Variants in RAD51 observed in about 807,000 individuals in gnomAD.
RAD51 encodes DNA repair protein RAD51 homolog 1.
In RAD51, 14 loss-of-function variants were observed where a neutral mutation model predicts 41.5. The observed-to-expected ratio is 0.34, with a 90% confidence interval of 0.22 to 0.53. The LOEUF is 0.53. Ranked by LOEUF, RAD51 falls within the 20% of genes least tolerant of loss-of-function variation. The pLI is 0.95. For missense variants in RAD51, 234 were observed against 422.0 expected (o/e 0.55, Z 3.90); for synonymous variants, 136 against 148.6 (o/e 0.92, Z 0.62).
At chr15:40,713,904 CTGG>C (rs1895850003) in intron 5 of RAD51, among the ~76,000 whole-genome samples, 1 of 151,854 alleles carries the variant, frequency 6.6e-6, no homozygotes, top group African/African-American at 2.4e-5. Flanking sequence ...CCGTGCCTGG[CTGG>C]CTGCCATATG....
chr15:40,711,818 T>C (rs962608180), intron 5 of RAD51, among the ~76,000 whole-genome samples: 23 of 152,188 alleles, frequency 1.5e-4, no homozygotes, highest in Admixed American at 1.5e-3. Flanking sequence ...CTCACACCTG[T>C]AATCCCAGCA....
intron 6 of RAD51, among the ~76,000 whole-genome samples, chr15:40,722,127 T>A (rs773578993): frequency 6.6e-6 from 1 of 152,144 alleles, no homozygotes; most frequent in Non-Finnish European, 1.5e-5. Flanking sequence ...GGACAAAAAC[T>A]GAGGCCAGGC....
At chr15:40,707,081 C>T (rs535022908) in intron 4 of RAD51, among the ~76,000 whole-genome samples, 1 of 150,736 alleles carries the variant, frequency 6.6e-6, no homozygotes, top group Non-Finnish European at 1.5e-5. Flanking sequence ...ACCTCTGCTT[C>T]CTGGGCTCAA....
At chr15:40,724,889 A>ATTTTTTTT (rs34086110) in intron 6 of RAD51, among the ~76,000 whole-genome samples, 6 of 55,410 alleles carry the variant, frequency 1.1e-4, no homozygotes, top group African/African-American at 2.5e-4. Context: ...ATTTTTTTTA[A>ATTTTTTTT]TTTTTTTTTT....
At chr15:40,729,656 G>C (rs1418803041) in intron 8 of RAD51, 22 bp downstream of exon 8, 16 of 1,613,122 alleles carry the variant, frequency 9.9e-6, no homozygotes, top group Non-Finnish European at 1.1e-5. Context: ...GATAGGGACA[G>C]AGAATGCCTA....
At chr15:40,726,417 A>T (rs1438456592) in intron 6 of RAD51, among the ~76,000 whole-genome samples, 1 of 151,162 alleles carries the variant, frequency 6.6e-6, no homozygotes, top group East Asian at 2.0e-4. Flanking sequence ...ACACCCATCT[A>T]ATTTTTGTAT....
At chr15:40,698,653 C>A in intron 1 of RAD51, 104 bp from the exon 2 acceptor site, 3 of 1,123,588 alleles carry the variant, frequency 2.7e-6, no homozygotes, top group Non-Finnish European at 4.0e-6. Context: ...ATGGCCTTGG[C>A]TTTTCCTAAA....
At chr15:40,723,537 G>T (rs1053174761) in intron 6 of RAD51, among the ~76,000 whole-genome samples, 1 of 152,120 alleles carries the variant, frequency 6.6e-6, no homozygotes, top group Non-Finnish European at 1.5e-5. Context: ...CATGGATGAG[G>T]TTTCAAATAT....
intron 1 of RAD51, among the ~76,000 whole-genome samples, chr15:40,696,291 C>G (rs1055573462): frequency 6.6e-6 from 1 of 152,120 alleles, no homozygotes; most frequent in Non-Finnish European, 1.5e-5. Flanking sequence ...ACAAAATATA[C>G]TGGCCGGGCG....
intron 3 of RAD51, 114 bp downstream of exon 3, chr15:40,701,315 C>G (rs1894971598): frequency 1.8e-6 from 2 of 1,119,922 alleles, no homozygotes; most frequent in Admixed American, 1.8e-5. Flanking sequence ...ATTATCCTTT[C>G]CAGGGGTGAC....
At chr15:40,711,900 C>T (rs936787505) in intron 5 of RAD51, among the ~76,000 whole-genome samples, 7 of 151,730 alleles carry the variant, frequency 4.6e-5, no homozygotes, top group Admixed American at 2.0e-4. Context: ...CATGGCAAGA[C>T]CCTATCTCTA....
chr15:40,726,061 C>A (rs1896565444), intron 6 of RAD51, among the ~76,000 whole-genome samples: 1 of 152,040 alleles, frequency 6.6e-6, no homozygotes, highest in East Asian at 1.9e-4. Context: ...AAACCATGAC[C>A]ACAATTGCTA....
chr15:40,700,655 G>C (rs1894923882), intron 2 of RAD51, among the ~76,000 whole-genome samples: 1 of 152,192 alleles, frequency 6.6e-6, no homozygotes, highest in Non-Finnish European at 1.5e-5. Context: ...ATAATGAAAA[G>C]GTTGTTAATT....
intron 4 of RAD51, among the ~76,000 whole-genome samples, chr15:40,707,150 ATTTTTT>A (rs751900607): frequency 3.2e-5 from 3 of 93,612 alleles, no homozygotes; most frequent in African/African-American, 1.3e-4. Context: ...CACCTGGCTA[ATTTTTT>A]TTTTTTTTTT....
At chr15:40,709,535 G>C (rs1048343572) in intron 5 of RAD51, among the ~76,000 whole-genome samples, 3 of 151,658 alleles carry the variant, frequency 2.0e-5, no homozygotes, top group Admixed American at 6.6e-5. Flanking sequence ...CAGCATGCCC[G>C]GCTAATTTTT....
Position 40,727,985 on chromosome 15 carries a change from A to C in RAD51, c.531-726A>C, listed in dbSNP as rs563363461. On this transcript the variant is annotated intron_variant, in intron 6 of 9. Coordinates refer to ENST00000267868, the MANE Select transcript of RAD51 (RefSeq NM_002875.5). ...AGCGATTCTTCTGCCTCAGCCTCCC[A>C]AGTAGCTGGGATTACAGGTGCCTGC... Among the ~76,000 whole-genome samples, 3 of 150,064 alleles carry C rather than the reference A, an allele frequency of 2.0e-5. No individual in the cohort carries two copies. In the South Asian group the frequency reaches 6.3e-4, roughly 32 times the overall value.
At chr15:40,728,944 T>A in intron 7 of RAD51, 120 bp downstream of exon 7, 1 of 873,902 alleles carries the variant, frequency 1.1e-6, no homozygotes, top group African/African-American at 1.7e-5. Context: ...TAAGTATAAT[T>A]CCTGTGTTGA....
At chr15:40,697,580 T>C (rs1894723858) in intron 1 of RAD51, among the ~76,000 whole-genome samples, 1 of 140,732 alleles carries the variant, frequency 7.1e-6, no homozygotes, top group East Asian at 2.9e-4. Context: ...ATTTCTTTTT[T>C]TTTTTTTTTT....
rs144344964 is a variant in RAD51, at chr15:40,711,802, T to A, written c.435+2686T>A. On this transcript the variant is annotated intron_variant, in intron 5 of 9. Coordinates refer to ENST00000267868, the MANE Select transcript of RAD51 (RefSeq NM_002875.5). Reference sequence around the variant, plus strand: ...TTAAAAAGATACATCAAACTGGGCATGATAGCTCACACCTGTAATCCCAGC... The same window carrying A: ...TTAAAAAGATACATCAAACTGGGCAAGATAGCTCACACCTGTAATCCCAGC... Among the ~76,000 whole-genome samples, 7 of 152,270 alleles carry A rather than the reference T, an allele frequency of 4.6e-5. No individual in the cohort carries two copies. The East Asian group carries it at 1.3e-3, about 29-fold the overall frequency.
Sources: gnomAD v4.1 joint callset for allele counts (sites outside exome capture counted in the v4.1 genomes callset) on GRCh38, gnomAD v4.1.1 for gene constraint, MANE v1.5 for transcripts, NCBI Gene and HGNC (gene_info 2026-07-23, HGNC 2026-07-21) for gene names.